RGS7BP: variants seen among roughly 807,000 people sequenced by gnomAD.
The protein encoded by RGS7BP is regulator of G protein signaling 7-binding protein.
Under a neutral mutation model 31.3 loss-of-function variants are expected in RGS7BP, and 9 were observed. That is an observed-to-expected ratio of 0.29 (90% CI 0.17 to 0.50). RGS7BP has a LOEUF of 0.50. Ranked by LOEUF, RGS7BP falls within the 20% of genes least tolerant of loss-of-function variation. The probability of loss-of-function intolerance (pLI) is 0.98; values close to 1 mark genes in which losing one functional copy is unlikely to be tolerated. For missense variants in RGS7BP, 274 were observed against 322.0 expected (o/e 0.85, Z 1.14); for synonymous variants, 115 against 120.1 (o/e 0.96, Z 0.28).
At position 64,545,292 on chromosome 5, in the gene RGS7BP, T is replaced by TTAGGAGACA. The variant is rs548942623; in HGVS notation, c.333-30479_333-30471dup. 1.9e-3 allele frequency among the ~76,000 whole-genome samples: 287 copies of TTAGGAGACA among 151,928 alleles called. 1 individual carries two copies. The highest frequency in any genetic ancestry group is 6.5e-3 in the African/African-American group (268 of 41,414). The stretch of plus-strand genomic sequence containing the variant: ...GATGGGGGAGTGGGGAGGGATAGCA[T>TTAGGAGACA]TAGGAGACATACCTGATGTTAAATG... On this transcript the variant is annotated intron_variant, in intron 2 of 5. Transcript: ENST00000334025.
At chr5:64,510,692 A>G (rs914427727) in intron 2 of RGS7BP, among the ~76,000 whole-genome samples, 2 of 152,250 alleles carry the variant, frequency 1.3e-5, no homozygotes, top group African/African-American at 4.8e-5. Context: ...TATGGCATAT[A>G]AAGTATACCT....
intron 3 of RGS7BP, among the ~76,000 whole-genome samples, chr5:64,578,385 T>C (rs1742492188): frequency 6.6e-6 from 1 of 152,224 alleles, no homozygotes; most frequent in Non-Finnish European, 1.5e-5. Context: ...AAAATCATTA[T>C]TAGTTAAAGT....
chr5:64,606,326 C>CA (rs5868378), intron 5 of RGS7BP, among the ~76,000 whole-genome samples: 152,039 of 152,042 alleles, frequency 1, 76,018 homozygotes, highest in Middle Eastern at 1. Flanking sequence ...GTAAGAGGAG[C>CA]AAACACATCA....
chr5:64,525,369 AC>A (rs1188532454), intron 2 of RGS7BP, among the ~76,000 whole-genome samples: 2 of 152,210 alleles, frequency 1.3e-5, no homozygotes, highest in Non-Finnish European at 2.9e-5. Flanking sequence ...GAAGTCCCTT[AC>A]AGGGTTTTTG....
Position 64,506,371 on chromosome 5 carries a change from C to T in RGS7BP, c.-254C>T. 8.3e-6 allele frequency: 3 copies of T among 363,548 alleles called. No individual in the cohort carries two copies. Among genetic ancestry groups the T allele is most frequent in the Non-Finnish European group, 1.5e-5 (3 of 203,560 alleles). The allele number at this position is 363,548 out of a possible 1,614,324, so 22.5% of individuals were successfully genotyped here. A position where few individuals can be genotyped will look rare whatever the true frequency, so the allele number is the denominator to read the frequency against. On this transcript the variant is annotated 5_prime_UTR_variant, in exon 1 of 6. The change creates a premature stop within an existing upstream ORF in the 5' untranslated region. Coordinates refer to ENST00000334025, the MANE Select transcript of RGS7BP (RefSeq NM_001029875.3). This position sits in a 1 kb window ranked among gnomAD's most constrained non-coding sequence, Gnocchi z 4.6. ...CGCCCAGCTCCCGGGACAGGGTCGG[C>T]AATGCTGCTGAGCAGAACTTGATCG... is the stretch of plus-strand genomic sequence containing the variant.
intron 2 of RGS7BP, among the ~76,000 whole-genome samples, chr5:64,545,040 G>A (rs1468033200): frequency 6.6e-6 from 1 of 152,144 alleles, no homozygotes; most frequent in Non-Finnish European, 1.5e-5. Flanking sequence ...GCCGGGTGTG[G>A]TGGTGGGCAC....
At chr5:64,606,035 TATATAGAGAG>T (rs1290299504) in intron 5 of RGS7BP, among the ~76,000 whole-genome samples, 6 of 122,000 alleles carry the variant, frequency 4.9e-5, no homozygotes, top group African/African-American at 1.4e-4. Flanking sequence ...TATATATATA[TATATAGAGAG>T]AGAGAGAGAG....
intron 2 of RGS7BP, among the ~76,000 whole-genome samples, chr5:64,554,131 G>C (rs1304955705): frequency 6.6e-6 from 1 of 152,074 alleles, no homozygotes; most frequent in Non-Finnish European, 1.5e-5. Flanking sequence ...AGTTTGGCTT[G>C]GTCAATCGGG....
At chr5:64,564,887 C>T (rs1164282873) in intron 2 of RGS7BP, among the ~76,000 whole-genome samples, 2 of 152,022 alleles carry the variant, frequency 1.3e-5, no homozygotes, top group South Asian at 2.1e-4. Context: ...TTAAGTGCTG[C>T]CACTCCAGAG....
At chr5:64,536,114 G>A (rs1741348007) in intron 2 of RGS7BP, among the ~76,000 whole-genome samples, 1 of 152,186 alleles carries the variant, frequency 6.6e-6, no homozygotes, top group Non-Finnish European at 1.5e-5. Flanking sequence ...AAGTCCAGAA[G>A]TCTCTTTGGG....
intron 2 of RGS7BP, among the ~76,000 whole-genome samples, chr5:64,530,334 T>C (rs1749338024): frequency 6.6e-6 from 1 of 152,240 alleles, no homozygotes; most frequent in African/African-American, 2.4e-5. Flanking sequence ...TGAATGTAGA[T>C]TGCATACAAA....
chr5:64,596,696 A>G (rs1202499892), intron 4 of RGS7BP, among the ~76,000 whole-genome samples: 1 of 152,092 alleles, frequency 6.6e-6, no homozygotes, highest in Non-Finnish European at 1.5e-5. Flanking sequence ...CACCCATGAG[A>G]GTGGATTTGG....
At chr5:64,573,116 A>G (rs923800022) in intron 2 of RGS7BP, among the ~76,000 whole-genome samples, 1 of 151,084 alleles carries the variant, frequency 6.6e-6, no homozygotes. Context: ...ATGATTTCCA[A>G]TTTCATCCAT....
intron 2 of RGS7BP, among the ~76,000 whole-genome samples, chr5:64,531,762 C>T (rs1749376186): frequency 6.6e-6 from 1 of 152,164 alleles, no homozygotes; most frequent in Non-Finnish European, 1.5e-5. Flanking sequence ...TAGGCTTGTT[C>T]TCACATGATT....
chr5:64,572,743 T>C (rs1742327842), intron 2 of RGS7BP, among the ~76,000 whole-genome samples: 1 of 152,090 alleles, frequency 6.6e-6, no homozygotes. Context: ...CAGAGGCATT[T>C]GGGAGATGGC....
intron 2 of RGS7BP, among the ~76,000 whole-genome samples, chr5:64,552,188 G>A (rs946037882): frequency 1.3e-5 from 2 of 152,126 alleles, no homozygotes; most frequent in Admixed American, 1.3e-4. Flanking sequence ...GTGGTCTAAT[G>A]TAAACAGTCT....
Position 64,606,035 on chromosome 5 carries a change from T to C in RGS7BP, c.683-3126T>C, listed in dbSNP as rs200764666. On this transcript the variant is annotated intron_variant, in intron 5 of 5. Coordinates refer to ENST00000334025, the MANE Select transcript of RGS7BP (RefSeq NM_001029875.3). ...ATATCTGGATACATATATATATATA[T>C]ATATAGAGAGAGAGAGAGAGAGAGA... Among the ~76,000 whole-genome samples, 76 of 122,036 alleles carry C rather than the reference T, an allele frequency of 6.2e-4. 3 individuals are homozygous for C. Among genetic ancestry groups the C allele is most frequent in the Admixed American group, 1.2e-3 (14 of 11,476 alleles). The allele number at this position is 122,036 out of a possible 152,430, so 80.1% of individuals were successfully genotyped here.
chr5:64,537,414 T>A (rs7716822), intron 2 of RGS7BP, among the ~76,000 whole-genome samples: 51,446 of 152,022 alleles, frequency 0.34, 9,717 homozygotes, highest in East Asian at 0.66. Flanking sequence ...GACTGGTAGG[T>A]CAATGTATAA....
At chr5:64,508,090 T>C (rs1323010733) in intron 2 of RGS7BP, among the ~76,000 whole-genome samples, 1 of 152,176 alleles carries the variant, frequency 6.6e-6, no homozygotes, top group Non-Finnish European at 1.5e-5. Context: ...ATTTAGAAGA[T>C]TTGGATCAAA....
Sources: gnomAD v4.1 joint callset for allele counts (sites outside exome capture counted in the v4.1 genomes callset) on GRCh38, gnomAD v4.1.1 for gene constraint, Gnocchi (gnomAD v3.1) non-coding constraint, MANE v1.5 for transcripts, NCBI Gene and HGNC (gene_info 2026-07-23, HGNC 2026-07-21) for gene names.